Variants in FAM135B observed in about 807,000 individuals in gnomAD.
The protein encoded by FAM135B is family with sequence similarity 135 member B, also known as protein FAM135B.
Under a neutral mutation model 127.7 loss-of-function variants are expected in FAM135B, and 43 were observed. The ratio of observed to expected loss-of-function variants is 0.34; its 90% CI spans 0.26 to 0.43. The LOEUF (loss-of-function observed/expected upper bound fraction) is 0.43. Ranked by LOEUF, FAM135B falls within the 20% of genes least tolerant of loss-of-function variation. FAM135B has a pLI of 1.00. For synonymous variants in FAM135B, 670 were observed against 665.1 expected (o/e 1.01, Z -0.11); for missense variants, 1,558 against 1,725.6 (o/e 0.90, Z 1.72).
intron 1 of FAM135B, among the ~76,000 whole-genome samples, chr8:138,487,782 A>C (rs946950858): frequency 6.6e-6 from 1 of 152,132 alleles, no homozygotes. Context: ...TGGGAGGATC[A>C]CTTGAGGTCA....
intron 3 of FAM135B, among the ~76,000 whole-genome samples, chr8:138,310,100 A>T (rs1826564286): frequency 6.6e-6 from 1 of 151,932 alleles, no homozygotes; most frequent in East Asian, 1.9e-4. Flanking sequence ...CAAACTCCTG[A>T]CCTCAGGTGA....
intron 2 of FAM135B, among the ~76,000 whole-genome samples, chr8:138,363,602 G>C (rs1830569394): frequency 1.3e-5 from 2 of 152,130 alleles, no homozygotes; most frequent in African/African-American, 4.8e-5. Context: ...ATAGACTTTG[G>C]ATGAAGGCAT....
At chr8:138,418,716 T>C (rs2131441982) in intron 1 of FAM135B, among the ~76,000 whole-genome samples, 1 of 152,248 alleles carries the variant, frequency 6.6e-6, no homozygotes, top group South Asian at 2.1e-4. Context: ...AAATGAAGGA[T>C]AAATAAAATC....
At chr8:138,170,253 G>A (rs144392867) in intron 11 of FAM135B, among the ~76,000 whole-genome samples, 6 of 127,756 alleles carry the variant, frequency 4.7e-5, no homozygotes, top group East Asian at 2.2e-4. Context: ...ACAGAGTTTC[G>A]CTCTTGTTGC....
intron 2 of FAM135B, among the ~76,000 whole-genome samples, chr8:138,321,047 A>G (rs555900441): frequency 6.6e-5 from 10 of 152,268 alleles, no homozygotes; most frequent in Admixed American, 6.5e-4. Flanking sequence ...TCAAACACAG[A>G]CACTCTGGAG....
chr8:138,199,519 C>T (rs763139595), intron 7 of FAM135B, among the ~76,000 whole-genome samples: 36 of 152,170 alleles, frequency 2.4e-4, no homozygotes, highest in Non-Finnish European at 8.8e-5. Flanking sequence ...GGCCTTGGGG[C>T]AAGGACCAGG....
chr8:138,277,699 A>G (rs1316154034), intron 3 of FAM135B, among the ~76,000 whole-genome samples: 1 of 152,082 alleles, frequency 6.6e-6, no homozygotes, highest in Non-Finnish European at 1.5e-5. Context: ...GATCCCACAC[A>G]TTTCAAACTG....
intron 2 of FAM135B, among the ~76,000 whole-genome samples, chr8:138,355,926 C>T (rs536253611): frequency 1.3e-5 from 2 of 152,214 alleles, no homozygotes; most frequent in South Asian, 2.1e-4. Context: ...AGAGGTGAGG[C>T]CCTTTGGAAT....
chr8:138,156,288 T>C (rs1818733175), intron 12 of FAM135B, among the ~76,000 whole-genome samples: 1 of 152,172 alleles, frequency 6.6e-6, no homozygotes, highest in African/African-American at 2.4e-5. Context: ...CTGGGACACA[T>C]TTAAGCAGTG....
intron 1 of FAM135B, among the ~76,000 whole-genome samples, chr8:138,390,205 C>G (rs531132911): frequency 6.6e-6 from 1 of 152,252 alleles, no homozygotes; most frequent in East Asian, 1.9e-4. Context: ...GGCCTTGTCC[C>G]CACCCAAATC....
chr8:138,224,912 G>A (rs896190942), intron 7 of FAM135B, among the ~76,000 whole-genome samples: 2 of 152,102 alleles, frequency 1.3e-5, no homozygotes, highest in South Asian at 2.1e-4. Flanking sequence ...GAGACTGGCT[G>A]GGCAGAGGTG....
At chr8:138,445,987 A>T (rs1247250106) in intron 1 of FAM135B, among the ~76,000 whole-genome samples, 3 of 152,232 alleles carry the variant, frequency 2.0e-5, no homozygotes, top group Non-Finnish European at 4.4e-5. Context: ...TGCAAAAATC[A>T]CAAGCATTCT....
In FAM135B at chr8:138,182,684, A is replaced by G. The variant is rs373672723; in HGVS notation, c.874-3994T>C. Among the ~76,000 whole-genome samples, 32 of 152,358 alleles carry G rather than the reference A, an allele frequency of 2.1e-4. No individual in the cohort carries two copies. The South Asian group carries it at 2.9e-3, about 14-fold the overall frequency. On this transcript the variant is annotated intron_variant, in intron 9 of 19. Transcript: ENST00000395297. ...CTGAGTACTGTAGAAAGGTCATGGA[A>G]GGCTTCCTGGAGGAGGTGATACTTA...
At chr8:138,298,173 A>AT (rs1586999998) in intron 3 of FAM135B, among the ~76,000 whole-genome samples, 2 of 152,300 alleles carry the variant, frequency 1.3e-5, no homozygotes, top group East Asian at 3.9e-4. Flanking sequence ...AATATTACAA[A>AT]TAACTCCTGG....
intron 6 of FAM135B, among the ~76,000 whole-genome samples, chr8:138,249,582 T>C (rs1169292186): frequency 6.6e-6 from 1 of 152,156 alleles, no homozygotes; most frequent in East Asian, 1.9e-4. Context: ...ACCCAGCAGA[T>C]GGGCGTGGTC....
In FAM135B at chr8:138,167,885, A is replaced by C; in HGVS notation, c.1258+10T>G. On this transcript the variant is annotated intron_variant, in intron 12 of 19. Coordinates refer to ENST00000395297, the MANE Select transcript of FAM135B (RefSeq NM_015912.4). ...TATTCCTGAGTCTTTCCAAAACAAA[A>C]CAGACAAACCTGTCGCAGGGCAGTC... is the stretch of plus-strand genomic sequence containing the variant. The C allele has an allele frequency of 6.2e-7, 1 of 1,600,326 alleles. No homozygotes were observed. The highest frequency in any genetic ancestry group is 8.5e-7 in the Non-Finnish European group (1 of 1,171,816).
intron 7 of FAM135B, among the ~76,000 whole-genome samples, chr8:138,231,270 C>T: frequency 6.6e-6 from 1 of 152,156 alleles, no homozygotes; most frequent in Non-Finnish European, 1.5e-5. Flanking sequence ...ATTTGCCTAC[C>T]TCAACCTCCC....
At chr8:138,201,064 C>G (rs1407387986) in intron 7 of FAM135B, among the ~76,000 whole-genome samples, 1 of 152,206 alleles carries the variant, frequency 6.6e-6, no homozygotes, top group Non-Finnish European at 1.5e-5. Flanking sequence ...CTGAGGCATT[C>G]AAGTCCTGCA....
chr8:138,218,753 G>GCA (rs139117207), intron 7 of FAM135B, among the ~76,000 whole-genome samples: 856 of 51,294 alleles, frequency 0.017, 10 homozygotes, highest in African/African-American at 0.036. Flanking sequence ...AAACTTACAC[G>GCA]CACACACACA....
Sources: gnomAD v4.1 joint callset for allele counts (sites outside exome capture counted in the v4.1 genomes callset) on GRCh38, gnomAD v4.1.1 for gene constraint, MANE v1.5 for transcripts, NCBI Gene and HGNC (gene_info 2026-07-23, HGNC 2026-07-21) for gene names.